The following PRMT9 variants were observed in gnomAD, a reference collection of about 807,000 sequenced individuals.
PRMT9 encodes the protein protein arginine N-methyltransferase 9.
Under a neutral mutation model 83.2 loss-of-function variants are expected in PRMT9, and 59 were observed. That is an observed-to-expected ratio of 0.71 (90% CI 0.57 to 0.88). The LOEUF (loss-of-function observed/expected upper bound fraction) is 0.88. Among genes scored for constraint, PRMT9 ranks in the 40% least tolerant of loss-of-function variants. The pLI, the probability that PRMT9 is intolerant of heterozygous loss-of-function variation, is 0.00. For missense variants in PRMT9, 947 were observed against 1,021.9 expected (o/e 0.93, Z 1.00); for synonymous variants, 333 against 353.2 (o/e 0.94, Z 0.64).
chr4:147,644,999 A>G (rs576627695), intron 9 of PRMT9, among the ~76,000 whole-genome samples: 49 of 152,356 alleles, frequency 3.2e-4, no homozygotes, highest in African/African-American at 4.8e-5. Context: ...GGTGAACTTT[A>G]TATTATCATA....
chr4:147,664,441 A>G (rs1735181186), intron 6 of PRMT9, among the ~76,000 whole-genome samples: 1 of 152,226 alleles, frequency 6.6e-6, no homozygotes, highest in Admixed American at 6.5e-5. Context: ...TTAAGAAGGT[A>G]GGCCAATTGT....
intron 2 of PRMT9, among the ~76,000 whole-genome samples, chr4:147,677,363 T>TA (rs1335606602): frequency 6.6e-5 from 10 of 150,604 alleles, no homozygotes; most frequent in Non-Finnish European, 1.2e-4. Context: ...TATGTATACA[T>TA]AAAAAACTCA....
At chr4:147,663,744 C>A (rs1409230584) in intron 6 of PRMT9, among the ~76,000 whole-genome samples, 4 of 152,152 alleles carry the variant, frequency 2.6e-5, no homozygotes, top group Admixed American at 1.3e-4. Flanking sequence ...AAAAAGTCCA[C>A]CTTCACAGTA....
chr4:147,673,469 CCA>C (rs1237121380), intron 3 of PRMT9, among the ~76,000 whole-genome samples, 167 bp downstream of exon 3: 1 of 152,088 alleles, frequency 6.6e-6, no homozygotes, highest in Non-Finnish European at 1.5e-5. Flanking sequence ...GCAGTTATGT[CCA>C]GTTCTTGATA....
intron 1 of PRMT9, among the ~76,000 whole-genome samples, chr4:147,680,850 G>A (rs1055927638): frequency 3.3e-5 from 5 of 152,106 alleles, no homozygotes; most frequent in African/African-American, 9.7e-5. Context: ...ATGTGTTAAT[G>A]GATGCTACAT....
chr4:147,683,735 G>GGA, intron 1 of PRMT9, 64 bp downstream of exon 1: 25 of 837,688 alleles, frequency 3.0e-5, no homozygotes, highest in Non-Finnish European at 4.3e-5. Flanking sequence ...TTTTTTTTCT[G>GGA]TTTTTTTTTT....
In PRMT9 at chr4:147,683,883, A is replaced by C; in HGVS notation, c.105T>G (p.Cys35Trp). 6.2e-7 allele frequency: 1 copy of C among 1,613,636 alleles called. No individual in the cohort carries two copies. Among genetic ancestry groups the C allele is most frequent in the Non-Finnish European group, 8.5e-7 (1 of 1,179,990 alleles). Reference protein sequence around the residue: ...VSRSLQSAEHCLGVQDFGTAY... With the variant: ...VSRSLQSAEHWLGVQDFGTAY... ...CAGTGCCGAAGTCCTGGACGCCCAG[A>C]CAGTGCTCTGCGCTCTGCAAGGACC... Residue 35 changes from cysteine to tryptophan, a missense_variant, in exon 1 of 12, where the codon TGT becomes TGG. Coordinates refer to ENST00000322396, the MANE Select transcript of PRMT9 (RefSeq NM_138364.4).
intron 2 of PRMT9, among the ~76,000 whole-genome samples, chr4:147,676,867 A>G (rs1736118437): frequency 6.6e-6 from 1 of 152,042 alleles, no homozygotes; most frequent in African/African-American, 2.4e-5. Context: ...AACATGGTGA[A>G]ACCCCATCTC....
chr4:147,681,493 A>G (rs1736465522), intron 1 of PRMT9, among the ~76,000 whole-genome samples: 1 of 152,236 alleles, frequency 6.6e-6, no homozygotes, highest in African/African-American at 2.4e-5. Flanking sequence ...CAAGGATAAG[A>G]AAGGAGATTC....
At chr4:147,666,543 T>C (rs1735345343) in intron 6 of PRMT9, among the ~76,000 whole-genome samples, 1 of 152,210 alleles carries the variant, frequency 6.6e-6, no homozygotes, top group Non-Finnish European at 1.5e-5. Flanking sequence ...TGTATCTAGA[T>C]TCTTTATTGT....
At chr4:147,642,992 G>C (rs750434508) in intron 9 of PRMT9, 52 bp from the exon 10 acceptor site, 2 of 1,543,120 alleles carry the variant, frequency 1.3e-6, no homozygotes, top group South Asian at 1.1e-5. Flanking sequence ...GGCGACAGTG[G>C]CTCACGCCTG....
At chr4:147,674,703 C>G (rs564568590) in intron 2 of PRMT9, among the ~76,000 whole-genome samples, 1 of 152,186 alleles carries the variant, frequency 6.6e-6, no homozygotes, top group Non-Finnish European at 1.5e-5. Flanking sequence ...ATGGAGCTCA[C>G]GTAATATCAG....
intron 8 of PRMT9, among the ~76,000 whole-genome samples, chr4:147,656,819 G>A (rs1734538444): frequency 6.8e-6 from 1 of 147,198 alleles, no homozygotes; most frequent in Admixed American, 6.8e-5. Flanking sequence ...AAAGAAATGA[G>A]GTCTTGCTAT....
intron 10 of PRMT9, 193 bp from the exon 11 acceptor site, chr4:147,639,275 C>G: frequency 1.8e-6 from 1 of 543,712 alleles, no homozygotes; most frequent in Non-Finnish European, 3.3e-6. Flanking sequence ...TTAGAACTTT[C>G]ATTGTTCCAG....
intron 8 of PRMT9, among the ~76,000 whole-genome samples, chr4:147,657,175 T>C (rs72947849): frequency 0.027 from 4,070 of 152,156 alleles, 186 homozygotes; most frequent in African/African-American, 0.093. Flanking sequence ...CTAAAAGCAA[T>C]ACTTTTCCAG....
In PRMT9 at chr4:147,654,149, T is replaced by C. The variant is rs1734316734; in HGVS notation, c.1748A>G (p.Tyr583Cys). ...NTVQNILEPF[Y>C]VLDVSEGFSV... ...GAAGCCTTCGGACACATCTAACACG[T>C]AGAAAGGTTCAAGGATGTTCTGTAC... Residue 583 changes from tyrosine to cysteine, a missense_variant, in exon 9 of 12, where the codon TAC (tyrosine) becomes TGC (cysteine). Transcript: ENST00000322396. 1.5e-5 allele frequency: 24 copies of C among 1,614,214 alleles called. No homozygotes were observed. The highest frequency in any genetic ancestry group is 2.0e-5 in the Non-Finnish European group (24 of 1,180,036).
chr4:147,655,118 C>T (rs868114280), intron 8 of PRMT9, among the ~76,000 whole-genome samples: 2 of 152,234 alleles, frequency 1.3e-5, no homozygotes, highest in Non-Finnish European at 2.9e-5. Context: ...GAACCAAGTC[C>T]TACAATAAAG....
chr4:147,643,509 G>A lies in PRMT9; in HGVS notation c.2046-569C>T, dbSNP rs533742720. On this transcript the variant is annotated intron_variant, in intron 9 of 11. Coordinates refer to ENST00000322396, the MANE Select transcript of PRMT9 (RefSeq NM_138364.4). Reference sequence around the variant, plus strand: ...AGGTTAGCTATTTAAATGGACACACGTCTTTAGATTCAGGAAAGAGTCATC... The same window carrying A: ...AGGTTAGCTATTTAAATGGACACACATCTTTAGATTCAGGAAAGAGTCATC... 3.9e-5 allele frequency among the ~76,000 whole-genome samples: 6 copies of A among 152,234 alleles called. No individual in the cohort carries two copies. In the East Asian group the frequency reaches 5.8e-4, roughly 15 times the overall value.
chr4:147,675,057 T>C (rs1237634193), intron 2 of PRMT9, among the ~76,000 whole-genome samples: 2 of 152,178 alleles, frequency 1.3e-5, no homozygotes, highest in African/African-American at 2.4e-5. Flanking sequence ...CTCGGCTCAC[T>C]GCAACCTCTG....
Sources: allele counts gnomAD v4.1 joint callset (sites outside exome capture counted in the v4.1 genomes callset), GRCh38; gene constraint gnomAD v4.1.1; transcripts MANE v1.5; gene names NCBI Gene and HGNC (gene_info 2026-07-23, HGNC 2026-07-21).